The following C8orf34 variants were observed in gnomAD, a reference collection of about 807,000 sequenced individuals.
C8orf34 encodes chromosome 8 open reading frame 34.
A neutral mutation model predicts 68.3 loss-of-function variants in C8orf34; 65 were observed. The ratio of observed to expected loss-of-function variants is 0.95; its 90% CI spans 0.78 to 1.17. The LOEUF (loss-of-function observed/expected upper bound fraction) is 1.17. C8orf34 is among the 50% of genes most tolerant of loss of function. The pLI is 0.00. For synonymous variants in C8orf34, 244 were observed against 241.2 expected (o/e 1.01, Z -0.11); for missense variants, 664 against 655.4 (o/e 1.01, Z -0.14).
intron 2 of C8orf34, among the ~76,000 whole-genome samples, chr8:68,443,533 T>C (rs560749219): frequency 1.4e-4 from 21 of 151,808 alleles, no homozygotes; most frequent in Non-Finnish European, 2.1e-4. Flanking sequence ...TAGCTGGGAC[T>C]ACAGGCACAC....
At chr8:68,686,494 G>A (rs1307139536) in intron 8 of C8orf34, among the ~76,000 whole-genome samples, 1 of 152,006 alleles carries the variant, frequency 6.6e-6, no homozygotes, top group Admixed American at 6.6e-5. Flanking sequence ...GTCAATAAAT[G>A]TGACACATTA....
chr8:68,467,797 G>A (rs573780844), intron 3 of C8orf34, among the ~76,000 whole-genome samples: 10 of 152,066 alleles, frequency 6.6e-5, no homozygotes, highest in African/African-American at 2.4e-4. Flanking sequence ...TTGGAATTTA[G>A]AAGGAATTGC....
At chr8:68,476,426 T>C (rs1355799198) in intron 4 of C8orf34, among the ~76,000 whole-genome samples, 1 of 152,160 alleles carries the variant, frequency 6.6e-6, no homozygotes, top group Non-Finnish European at 1.5e-5. Flanking sequence ...CAGATATTCC[T>C]GGAAGAGAGA....
chr8:68,501,763 A>T (rs1457281425), intron 5 of C8orf34, among the ~76,000 whole-genome samples: 3 of 152,144 alleles, frequency 2.0e-5, no homozygotes. Context: ...AATCCAGACA[A>T]TGCCAGTCCC....
intron 5 of C8orf34, among the ~76,000 whole-genome samples, chr8:68,520,651 G>A (rs1322622381): frequency 6.8e-6 from 1 of 147,986 alleles, no homozygotes; most frequent in African/African-American, 2.5e-5. Context: ...TTTTAGTAGA[G>A]ACGGGGTTTC....
intron 7 of C8orf34, among the ~76,000 whole-genome samples, chr8:68,632,552 A>G (rs937575556): frequency 6.6e-6 from 1 of 151,952 alleles, no homozygotes; most frequent in Non-Finnish European, 1.5e-5. Flanking sequence ...GAGGAGCCCA[A>G]TGTTAATGGC....
At chr8:68,491,633 T>C (rs1431469346) in intron 5 of C8orf34, among the ~76,000 whole-genome samples, 1 of 152,242 alleles carries the variant, frequency 6.6e-6, no homozygotes, top group Non-Finnish European at 1.5e-5. Flanking sequence ...ACCTGGCTAA[T>C]GCAGATAATC....
At chr8:68,726,621 A>T (rs919969371) in intron 10 of C8orf34, among the ~76,000 whole-genome samples, 2 of 152,172 alleles carry the variant, frequency 1.3e-5, no homozygotes, top group East Asian at 1.9e-4. Flanking sequence ...GCTGATAAAA[A>T]CATATCCAAG....
Position 68,714,155 on chromosome 8 carries a change from C to T in C8orf34, c.1327+5076C>T, listed in dbSNP as rs146913555. On this transcript the variant is annotated intron_variant, in intron 9 of 13. Coordinates refer to ENST00000518698, the MANE Select transcript of C8orf34 (RefSeq NM_052958.4). ...GGTTCATACCTTAAGGTAAAAAAGC[C>T]ATCTATGACAAACCCATGGCCAACA... 4.4e-3 allele frequency among the ~76,000 whole-genome samples: 673 copies of T among 152,174 alleles called. 11 individuals carry two copies. Among genetic ancestry groups the T allele is most frequent in the African/African-American group, 0.015 (635 of 41,522 alleles).
chr8:68,755,496 T>G (rs1822829095), intron 10 of C8orf34, among the ~76,000 whole-genome samples: 1 of 152,220 alleles, frequency 6.6e-6, no homozygotes, highest in African/African-American at 2.4e-5. Flanking sequence ...TCCTATGTAG[T>G]AGATATCTGA....
At chr8:68,498,574 G>A (rs2129632376) in intron 5 of C8orf34, among the ~76,000 whole-genome samples, 1 of 152,254 alleles carries the variant, frequency 6.6e-6, no homozygotes, top group African/African-American at 2.4e-5. Flanking sequence ...TGATAGTGCT[G>A]ATATAATTAT....
intron 2 of C8orf34, among the ~76,000 whole-genome samples, chr8:68,442,187 G>T (rs912854177): frequency 6.6e-6 from 1 of 152,100 alleles, no homozygotes; most frequent in Non-Finnish European, 1.5e-5. Context: ...AAGACAAGTG[G>T]TTGGGGGGTC....
intron 7 of C8orf34, among the ~76,000 whole-genome samples, chr8:68,634,046 G>A (rs1364135686): frequency 6.6e-6 from 1 of 152,060 alleles, no homozygotes; most frequent in Non-Finnish European, 1.5e-5. Flanking sequence ...AAAAACAGAG[G>A]CAATCACTTA....
intron 12 of C8orf34, among the ~76,000 whole-genome samples, chr8:68,794,244 T>C (rs1205390712): frequency 2.0e-5 from 3 of 151,510 alleles, no homozygotes; most frequent in African/African-American, 7.3e-5. Flanking sequence ...CAATCACAGC[T>C]CACTGAAACC....
rs117915433 is a variant in C8orf34 at position 68,570,048 on chromosome 8, T to A, written c.1105+36899T>A. On this transcript the variant is annotated intron_variant, in intron 7 of 13. Coordinates refer to ENST00000518698, the MANE Select transcript of C8orf34 (RefSeq NM_052958.4). ...ACTCCCTCTCTTTTTCATGCTCTTA[T>A]ATTCCCTAGTAGCCTCAAAATAATT... Among the ~76,000 whole-genome samples, 876 of 152,318 alleles carry A rather than the reference T, an allele frequency of 5.8e-3. 7 individuals carry two copies. Among genetic ancestry groups the A allele is most frequent in the Middle Eastern group, 0.01 (3 of 294 alleles).
At chr8:68,560,414 C>A (rs1816387025) in intron 7 of C8orf34, among the ~76,000 whole-genome samples, 4 of 152,144 alleles carry the variant, frequency 2.6e-5, no homozygotes, top group African/African-American at 9.7e-5. Context: ...AAAACCAGGA[C>A]TTAAATTAGT....
chr8:68,406,839 T>G (rs1189680327), intron 1 of C8orf34, among the ~76,000 whole-genome samples: 1 of 152,116 alleles, frequency 6.6e-6, no homozygotes, highest in Non-Finnish European at 1.5e-5. Flanking sequence ...CAACAGATCC[T>G]AAATGGATTA....
At chr8:68,461,324 C>A (rs1457419275) in intron 3 of C8orf34, among the ~76,000 whole-genome samples, 2 of 152,144 alleles carry the variant, frequency 1.3e-5, no homozygotes, top group Admixed American at 1.3e-4. Flanking sequence ...ATTGGTGTAC[C>A]TGAAAGTGAC....
At chr8:68,781,956 AT>A (rs1823690521) in intron 11 of C8orf34, among the ~76,000 whole-genome samples, 1 of 152,246 alleles carries the variant, frequency 6.6e-6, no homozygotes, top group South Asian at 2.1e-4. Flanking sequence ...ATTGCTTGAT[AT>A]GCTGAACTAT....
Sources: allele counts gnomAD v4.1 joint callset (sites outside exome capture counted in the v4.1 genomes callset), GRCh38; gene constraint gnomAD v4.1.1; transcripts MANE v1.5; gene names NCBI Gene and HGNC (gene_info 2026-07-23, HGNC 2026-07-21).